Variants in IFT140 observed in about 807,000 individuals in gnomAD.
The protein encoded by IFT140 is intraflagellar transport 140.
Under a neutral mutation model 164.6 loss-of-function variants are expected in IFT140, and 133 were observed. That is an observed-to-expected ratio of 0.81 (90% CI 0.70 to 0.93). The LOEUF (loss-of-function observed/expected upper bound fraction) is 0.93, where lower values mean the gene tolerates loss of function less well. Ranked by LOEUF, IFT140 falls within the 40% of genes least tolerant of loss-of-function variation. The probability of loss-of-function intolerance (pLI) is 0.00; values close to 1 mark genes in which losing one functional copy is unlikely to be tolerated. For synonymous variants in IFT140, 860 were observed against 817.3 expected, an observed-to-expected ratio of 1.05 and a Z score of -0.89; for missense variants, 2,045 against 1,972.3, an observed-to-expected ratio of 1.04 and a Z score of -0.70.
chr16:1,539,173 G>A lies in IFT140; in HGVS notation c.2400-12377C>T, dbSNP rs1005839895. 6.7e-5 allele frequency among the ~76,000 whole-genome samples: 10 copies of A among 149,564 alleles called. No individual in the cohort carries two copies. In the East Asian group the frequency reaches 7.9e-4, roughly 12 times the overall value. ...GCCTCACCAAGCTGCACAGTGCCAC[G>A]CCGCCCCACGCCTTGGGCCTCACCA... is the stretch of plus-strand genomic sequence containing the variant. On this transcript the variant is annotated intron_variant, in intron 19 of 30. Coordinates refer to ENST00000426508, the MANE Select transcript of IFT140 (RefSeq NM_014714.4).
chr16:1,610,456 C>G (rs1342235272), intron 2 of IFT140: 1 of 154,606 alleles, frequency 6.5e-6, no homozygotes, highest in Non-Finnish European at 1.5e-5. Flanking sequence ...GGGGCGACAG[C>G]CATAGTCCGA....
chr16:1,588,791 C>A (rs2035029513), intron 7 of IFT140, among the ~76,000 whole-genome samples: 1 of 152,082 alleles, frequency 6.6e-6, no homozygotes. Flanking sequence ...TATGTGGGAG[C>A]CCTAACCCCC....
rs556100486 is a variant in IFT140, at chr16:1,611,501, A to G, written c.-222+467T>C. On this transcript the variant is annotated intron_variant, in intron 1 of 30. Coordinates refer to ENST00000426508, the MANE Select transcript of IFT140 (RefSeq NM_014714.4). ...GCGACAGAGCGAGTCAAAAAAAAAA[A>G]AAAAGAAAAGAAAAAGAAACACTGG... is the stretch of plus-strand genomic sequence containing the variant. Among the ~76,000 whole-genome samples the G allele has an allele frequency of 5.4e-5, 8 of 149,374 alleles. No individual in the cohort carries two copies. In the South Asian group the frequency reaches 8.5e-4, roughly 16 times the overall value.
intron 19 of IFT140, chr16:1,540,806 C>T (rs545639014): frequency 1.3e-5 from 13 of 983,936 alleles, no homozygotes; most frequent in Middle Eastern, 5.2e-4. Context: ...TTTTGGGAAT[C>T]GAATTTCCCA....
intron 30 of IFT140, chr16:1,514,637 T>A (rs2040290262): frequency 6.6e-6 from 1 of 151,858 alleles, no homozygotes; most frequent in Non-Finnish European, 1.5e-5. Context: ...GATTGCCTAA[T>A]AAAATGAACC....
intron 30 of IFT140, among the ~76,000 whole-genome samples, chr16:1,511,911 C>T (rs1311318418): frequency 6.6e-6 from 1 of 151,424 alleles, no homozygotes; most frequent in Non-Finnish European, 1.5e-5. Flanking sequence ...CCTGCAGTGG[C>T]AGAATTCAGA....
intron 2 of IFT140, among the ~76,000 whole-genome samples, chr16:1,608,332 C>T (rs1390096491): frequency 6.6e-6 from 1 of 152,124 alleles, no homozygotes; most frequent in Non-Finnish European, 1.5e-5. Flanking sequence ...TACTTGTAGC[C>T]GGGTTTGCCA....
intron 30 of IFT140, 113 bp from the exon 31 acceptor site, chr16:1,511,263 G>A (rs2040140015): frequency 9.5e-6 from 9 of 942,830 alleles, no homozygotes; most frequent in South Asian, 1.4e-5. Flanking sequence ...GTGCCTCCGC[G>A]CTGGAGGACA....
At chr16:1,581,715 A>AGAGGAGAGGGGAGGGGAGGAACGGGG (rs2034566634) in intron 12 of IFT140, among the ~76,000 whole-genome samples, 1 of 132,912 alleles carries the variant, frequency 7.5e-6, no homozygotes, top group Admixed American at 7.7e-5. Context: ...GGGAGTCTAC[A>AGAGGAGAGGGGAGGGGAGGAACGGGG]GAGGAGAGGG....
In IFT140 at chr16:1,525,860, G is replaced by A. The variant is rs758041597; in HGVS notation, c.2768+27C>T. 8 of 1,499,380 alleles carry A rather than the reference G, an allele frequency of 5.3e-6. No individual in the cohort carries two copies. In the African/African-American group the frequency reaches 9.7e-5, roughly 18 times the overall value. The allele number at this position is 1,499,380 out of a possible 1,614,324, so 92.9% of individuals were successfully genotyped here. On this transcript the variant is annotated intron_variant, in intron 21 of 30. Transcript: ENST00000426508. The stretch of plus-strand genomic sequence containing the variant: ...AAGCCAGGGCCATCCAGAGAGGCAG[G>A]GAAGAGGCCGCGAGGGCCGCACTCA...
intron 18 of IFT140, among the ~76,000 whole-genome samples, chr16:1,561,497 G>A (rs116823278): frequency 0.012 from 1,775 of 152,326 alleles, 35 homozygotes; most frequent in African/African-American, 0.04. Context: ...CCACCAGCCT[G>A]CCCACAGTGG....
At chr16:1,587,908 G>T in intron 8 of IFT140, 25 bp downstream of exon 8, 2 of 1,573,366 alleles carry the variant, frequency 1.3e-6, no homozygotes, top group Middle Eastern at 3.4e-4. Flanking sequence ...TCTCATCAAG[G>T]GGCACTGGAA....
intron 14 of IFT140, among the ~76,000 whole-genome samples, 171 bp from the exon 15 acceptor site, chr16:1,568,505 G>T (rs576614707): frequency 6.6e-6 from 1 of 152,372 alleles, no homozygotes; most frequent in South Asian, 2.1e-4. Context: ...CACAGGGTGA[G>T]TTCTTCCACC....
intron 30 of IFT140, among the ~76,000 whole-genome samples, chr16:1,511,981 C>G (rs1027227271): frequency 2.6e-5 from 4 of 151,404 alleles, no homozygotes; most frequent in African/African-American, 9.7e-5. Flanking sequence ...AAGAGGGACC[C>G]TGTGGTCAGA....
At chr16:1,516,624 T>G (rs554144105) in intron 30 of IFT140, among the ~76,000 whole-genome samples, 3 of 151,604 alleles carry the variant, frequency 2.0e-5, no homozygotes, top group South Asian at 2.1e-4. Flanking sequence ...AAAAAAATTA[T>G]CTGGGCGTGG....
Position 1,511,109 on chromosome 16 carries a change from C to T in IFT140, c.4224G>A (p.Leu1408=). The T allele has an allele frequency of 3.1e-6, 5 of 1,609,870 alleles. No homozygotes were observed. The highest frequency in any genetic ancestry group is 4.2e-6 in the Non-Finnish European group (5 of 1,178,950). Reference sequence around the variant, plus strand: ...GGCTCACGTAGTAGGACATGTTGGCCAAGGGAAGCCGCCGCCGCATCTCCT... The same window carrying T: ...GGCTCACGTAGTAGGACATGTTGGCTAAGGGAAGCCGCCGCCGCATCTCCT... The part of the protein sequence containing the change: ...FLEEMRRRLP[L]ANMSYYVSPQ... Residue 1408 remains leucine (L), a synonymous_variant, in exon 31 of 31, where the codon TTG becomes TTA. Transcript: ENST00000426508.
chr16:1,598,132 TA>T (rs568424214), intron 4 of IFT140, among the ~76,000 whole-genome samples: 3 of 148,748 alleles, frequency 2.0e-5, no homozygotes, highest in Non-Finnish European at 3.0e-5. Context: ...AACAACCTGA[TA>T]AAAAAAAAAC....
At chr16:1,521,148 C>T (rs1220945183) in intron 26 of IFT140, among the ~76,000 whole-genome samples, 3 of 152,218 alleles carry the variant, frequency 2.0e-5, no homozygotes, top group Non-Finnish European at 4.4e-5. Context: ...GAGACAGGGT[C>T]TCACTCTGTC....
At chr16:1,601,917 C>T (rs1482673206) in intron 4 of IFT140, among the ~76,000 whole-genome samples, 2 of 152,228 alleles carry the variant, frequency 1.3e-5, no homozygotes, top group Non-Finnish European at 2.9e-5. Flanking sequence ...TGCACCATGT[C>T]GCTATGCTGT....
Sources: allele counts gnomAD v4.1 joint callset (sites outside exome capture counted in the v4.1 genomes callset), GRCh38; gene constraint gnomAD v4.1.1; transcripts MANE v1.5; gene names NCBI Gene and HGNC (gene_info 2026-07-23, HGNC 2026-07-21).